Variants in DDHD1 observed in about 807,000 individuals in gnomAD.
DDHD1 encodes DDHD domain containing 1.
Under a neutral mutation model 96.4 loss-of-function variants are expected in DDHD1, and 49 were observed. The ratio of observed to expected loss-of-function variants is 0.51; its 90% CI spans 0.40 to 0.64. The LOEUF is 0.64. Among genes scored for constraint, DDHD1 ranks in the 30% least tolerant of loss-of-function variants. DDHD1 has a pLI of 0.00. For synonymous variants in DDHD1, 442 were observed against 446.5 expected (o/e 0.99, Z 0.13); for missense variants, 1,106 against 1,161.2 (o/e 0.95, Z 0.69).
At chr14:53,059,005 G>A (rs1181611613) in intron 8 of DDHD1, among the ~76,000 whole-genome samples, 2 of 152,152 alleles carry the variant, frequency 1.3e-5, no homozygotes, top group Non-Finnish European at 2.9e-5. Flanking sequence ...ACAGTCCTGT[G>A]GGGAAAGCAG....
At position 53,092,013 on chromosome 14, in the gene DDHD1, A is replaced by C. The variant is rs1886470672; in HGVS notation, c.1142-81T>G. On this transcript the variant is annotated intron_variant, in intron 3 of 12. Transcript: ENST00000673822. Reference sequence around the variant, plus strand: ...ACAATATGTTAAAAGAAAAAAAAGAAGTAAAAGGAATATTATGAAAAAATT... The same window carrying C: ...ACAATATGTTAAAAGAAAAAAAAGACGTAAAAGGAATATTATGAAAAAATT... The C allele has an allele frequency of 3.6e-6, 5 of 1,399,624 alleles. No homozygotes were observed. In the African/African-American group the frequency reaches 4.4e-5, roughly 12 times the overall value. 86.7% of individuals were successfully genotyped at this position (1,399,624 alleles called of 1,614,324 possible). A position where few individuals can be genotyped will look rare whatever the true frequency, so the allele number is the denominator to read the frequency against.
chr14:53,142,077 A>G (rs1397369958), intron 1 of DDHD1, among the ~76,000 whole-genome samples: 1 of 152,254 alleles, frequency 6.6e-6, no homozygotes, highest in African/African-American at 2.4e-5. Flanking sequence ...TCACCTGATG[A>G]TAACTCTTGG....
chr14:53,124,929 T>C (rs1409878730), intron 1 of DDHD1, among the ~76,000 whole-genome samples: 3 of 152,172 alleles, frequency 2.0e-5, no homozygotes, highest in South Asian at 2.1e-4. Context: ...GGCTTGCAGA[T>C]GGTCATCTTC....
At chr14:53,150,072 A>T (rs1401438484) in intron 1 of DDHD1, 1 of 151,568 alleles carries the variant, frequency 6.6e-6, no homozygotes, top group Non-Finnish European at 1.5e-5. Flanking sequence ...ACCAAACACC[A>T]TCCCTCACAT....
In DDHD1 at chr14:53,041,039, C is replaced by T. The variant is rs1206302691; in HGVS notation, c.*5729G>A. On this transcript the variant is annotated 3_prime_UTR_variant, in exon 13 of 13. Coordinates refer to ENST00000673822, the MANE Select transcript of DDHD1 (RefSeq NM_001160148.2). ...AAGGGAAACAAAAAGTTTGAGAGAT[C>T]AAGCAGGGACCGCAGTGGGTGTGGG... The T allele has an allele frequency of 6.6e-6, 1 of 151,810 alleles. No individual in the cohort carries two copies. Among genetic ancestry groups the T allele is most frequent in the Non-Finnish European group, 1.5e-5 (1 of 68,012 alleles). 9.4% of individuals were successfully genotyped at this position (151,810 alleles called of 1,614,324 possible). A position where few individuals can be genotyped will look rare whatever the true frequency, so the allele number is the denominator to read the frequency against.
rs1210171644 is a variant in DDHD1 at position 53,153,063 on chromosome 14, G to T, written c.36C>A (p.Pro12=). 1 of 1,467,610 alleles carries T rather than the reference G, an allele frequency of 6.8e-7. No homozygotes were observed. Among genetic ancestry groups the T allele is most frequent in the Admixed American group, 2.7e-5 (1 of 36,374 alleles). The allele number at this position is 1,467,610 out of a possible 1,614,324, so 90.9% of individuals were successfully genotyped here. ...CGCCGCCGCCTCGGCCGTTATGCTC[G>T]GGGCTCCGTGGGGACCCGCGGCCCG... ...NYPGRGSPRS[P]EHNGRGGGGG... Residue 12 remains proline, a synonymous_variant, in exon 1 of 13, where the codon CCC becomes CCA. Transcript: ENST00000673822.
At chr14:53,054,327 C>T (rs1882853091) in intron 11 of DDHD1, 111 bp downstream of exon 11, 1 of 891,000 alleles carries the variant, frequency 1.1e-6, no homozygotes, top group Non-Finnish European at 1.6e-6. Flanking sequence ...AGTTAAGGCA[C>T]ACTTTAGATC....
intron 4 of DDHD1, among the ~76,000 whole-genome samples, chr14:53,075,576 G>C (rs1008122854): frequency 6.6e-6 from 1 of 152,168 alleles, no homozygotes; most frequent in Non-Finnish European, 1.5e-5. Flanking sequence ...TGTAGAAGCT[G>C]CATCAAGTTA....
At chr14:53,105,574 G>GCAAAA (rs1887627829) in intron 1 of DDHD1, among the ~76,000 whole-genome samples, 1 of 152,016 alleles carries the variant, frequency 6.6e-6, no homozygotes, top group South Asian at 2.1e-4. Context: ...TTTTTGCCTG[G>GCAAAA]ATTCTACTTT....
chr14:53,136,982 G>A (rs1890286701), intron 1 of DDHD1, among the ~76,000 whole-genome samples: 1 of 152,256 alleles, frequency 6.6e-6, no homozygotes, highest in South Asian at 2.1e-4. Context: ...CAACATGGAT[G>A]GGAAAACTGG....
At chr14:53,113,285 A>T (rs919391303) in intron 1 of DDHD1, among the ~76,000 whole-genome samples, 5 of 151,476 alleles carry the variant, frequency 3.3e-5, no homozygotes, top group African/African-American at 7.3e-5. Context: ...ACTATTTTTT[A>T]AAAAAGGGTT....
At chr14:53,054,725 C>A in intron 10 of DDHD1, 96 bp from the exon 11 acceptor site, 1 of 1,193,640 alleles carries the variant, frequency 8.4e-7, no homozygotes, top group Non-Finnish European at 1.2e-6. Flanking sequence ...GGCAGAGGGA[C>A]CAAACCCTAG....
chr14:53,147,044 C>T (rs913463592), intron 1 of DDHD1, among the ~76,000 whole-genome samples: 7 of 152,024 alleles, frequency 4.6e-5, no homozygotes, highest in African/African-American at 1.5e-4. Flanking sequence ...CCATAACTAC[C>T]TATTTCCCAA....
chr14:53,071,157 T>C (rs753790582), intron 6 of DDHD1, among the ~76,000 whole-genome samples: 7 of 152,124 alleles, frequency 4.6e-5, no homozygotes, highest in Non-Finnish European at 7.4e-5. Flanking sequence ...ACTTTGCAGA[T>C]AGAGAAGCCA....
chr14:53,136,249 G>A (rs1232549166), intron 1 of DDHD1, among the ~76,000 whole-genome samples: 3 of 152,196 alleles, frequency 2.0e-5, no homozygotes, highest in Non-Finnish European at 2.9e-5. Flanking sequence ...CAGCCCGCCT[G>A]CACCCAGGTG....
intron 1 of DDHD1, among the ~76,000 whole-genome samples, chr14:53,105,431 T>C (rs555447188): frequency 6.6e-6 from 1 of 152,286 alleles, no homozygotes; most frequent in African/African-American, 2.4e-5. Flanking sequence ...CATTCTCCTA[T>C]ATTCTGCTAT....
rs753506242 is a variant in DDHD1, at chr14:53,061,123, T to C, written c.1842+3A>G. On this transcript the variant is annotated splice_donor_region_variant and intron_variant, in intron 8 of 12. Transcript: ENST00000673822. ...GTTGAAGAACACATTGCTCTTTCCT[T>C]ACCTTAAATTTTAAGGCAGGTGTTT... The C allele has an allele frequency of 1.2e-4, 197 of 1,606,868 alleles. No individual in the cohort carries two copies. Among genetic ancestry groups the C allele is most frequent in the African/African-American group, 1.9e-4 (14 of 74,404 alleles).
chr14:53,113,420 G>C (rs1183662617), intron 1 of DDHD1, among the ~76,000 whole-genome samples: 1 of 118,454 alleles, frequency 8.4e-6, no homozygotes, highest in African/African-American at 3.4e-5. Context: ...AAAAGTATGA[G>C]AAACTCTATT....
At chr14:53,147,629 T>C (rs1355607819) in intron 1 of DDHD1, among the ~76,000 whole-genome samples, 2 of 152,094 alleles carry the variant, frequency 1.3e-5, no homozygotes, top group Non-Finnish European at 2.9e-5. Flanking sequence ...CATTCTAAAA[T>C]GCACTCTAAA....
Sources: allele counts gnomAD v4.1 joint callset (sites outside exome capture counted in the v4.1 genomes callset), GRCh38; gene constraint gnomAD v4.1.1; transcripts MANE v1.5; gene names NCBI Gene and HGNC (gene_info 2026-07-23, HGNC 2026-07-21).